Variants in VPS41 observed in about 807,000 individuals in gnomAD.
The protein encoded by VPS41 is VPS41 subunit of HOPS complex, also known as vacuolar protein sorting-associated protein 41 homolog.
In VPS41, 85 loss-of-function variants were observed where a neutral mutation model predicts 130.9. That is an observed-to-expected ratio of 0.65 (90% CI 0.55 to 0.78). The LOEUF is 0.78. Ranked by LOEUF, VPS41 falls within the 30% of genes least tolerant of loss-of-function variation. The pLI is 0.00. For synonymous variants in VPS41, 335 were observed against 332.9 expected, an observed-to-expected ratio of 1.01 and a Z score of -0.07; for missense variants, 874 against 1,018.7, an observed-to-expected ratio of 0.86 and a Z score of 1.93.
At chr7:38,820,947 G>C (rs1021761214) in intron 6 of VPS41, among the ~76,000 whole-genome samples, 1 of 147,762 alleles carries the variant, frequency 6.8e-6, no homozygotes, top group Non-Finnish European at 1.5e-5. Flanking sequence ...GTGTGCGTGC[G>C]TGTGTGTGTG....
intron 10 of VPS41, among the ~76,000 whole-genome samples, chr7:38,780,540 A>T (rs1433980397): frequency 2.0e-5 from 3 of 152,174 alleles, no homozygotes; most frequent in Admixed American, 2.0e-4. Context: ...GGAAAATTCT[A>T]TTCAGCAAGG....
At chr7:38,851,525 T>C (rs909003909) in intron 4 of VPS41, among the ~76,000 whole-genome samples, 1 of 152,258 alleles carries the variant, frequency 6.6e-6, no homozygotes, top group African/African-American at 2.4e-5. Context: ...TTGAGTTGAA[T>C]GACCATTGTT....
At chr7:38,848,401 C>A (rs903971181) in intron 4 of VPS41, among the ~76,000 whole-genome samples, 11 of 152,056 alleles carry the variant, frequency 7.2e-5, no homozygotes, top group Non-Finnish European at 1.2e-4. Context: ...TTTTCCCCTT[C>A]GTTTTTCTTT....
intron 18 of VPS41, among the ~76,000 whole-genome samples, chr7:38,757,683 A>G (rs1236764624): frequency 6.6e-6 from 1 of 152,158 alleles, no homozygotes; most frequent in Non-Finnish European, 1.5e-5. Context: ...GCAAAAGAAG[A>G]AAAAACAAGG....
intron 24 of VPS41, among the ~76,000 whole-genome samples, chr7:38,743,059 C>T (rs1366567910): frequency 8.1e-6 from 1 of 124,192 alleles, no homozygotes; most frequent in Admixed American, 9.1e-5. Flanking sequence ...ATAAACACTC[C>T]CATATACAAG....
intron 14 of VPS41, among the ~76,000 whole-genome samples, chr7:38,769,970 T>C (rs1331581517): frequency 6.6e-6 from 1 of 152,140 alleles, no homozygotes; most frequent in African/African-American, 2.4e-5. Flanking sequence ...TTGCTACCTA[T>C]GTAGTAAACC....
intron 25 of VPS41, among the ~76,000 whole-genome samples, chr7:38,740,389 T>C (rs7802623): frequency 0.037 from 5,648 of 152,100 alleles, 351 homozygotes; most frequent in African/African-American, 0.13. Context: ...ATTAGTGACT[T>C]CCCCAGGCAG....
chr7:38,878,473 C>T (rs1194516865), intron 2 of VPS41, among the ~76,000 whole-genome samples: 2 of 152,086 alleles, frequency 1.3e-5, no homozygotes, highest in Non-Finnish European at 2.9e-5. Context: ...TATCAAAACT[C>T]CCAAACAGTA....
chr7:38,761,263 C>T (rs1426621276), intron 17 of VPS41, among the ~76,000 whole-genome samples: 1 of 57,004 alleles, frequency 1.8e-5, no homozygotes, highest in Admixed American at 3.3e-4. Flanking sequence ...CTCTTCCTCT[C>T]TTTTTTTTTT....
At chr7:38,770,588 T>C (rs1784136013) in intron 14 of VPS41, among the ~76,000 whole-genome samples, 2 of 152,276 alleles carry the variant, frequency 1.3e-5, no homozygotes, top group South Asian at 2.1e-4. Context: ...GAAACCCAAA[T>C]AGGCATAAAA....
chr7:38,907,284 T>G (rs1322087323), intron 1 of VPS41, among the ~76,000 whole-genome samples: 1 of 151,996 alleles, frequency 6.6e-6, no homozygotes, highest in African/African-American at 2.4e-5. Context: ...GGCCCTGAGA[T>G]AGGAACCTGC....
At chr7:38,758,616 T>G in intron 17 of VPS41, 135 bp from the exon 18 acceptor site, 2 of 892,034 alleles carry the variant, frequency 2.2e-6, no homozygotes, top group South Asian at 1.8e-5. Context: ...TCTAAAATGA[T>G]GTGTCTTCTT....
At chr7:38,892,335 A>C (rs1786884085) in intron 2 of VPS41, among the ~76,000 whole-genome samples, 1 of 152,162 alleles carries the variant, frequency 6.6e-6, no homozygotes, top group Non-Finnish European at 1.5e-5. Flanking sequence ...GTTACCGAAA[A>C]CTTGAAGTCT....
chr7:38,853,962 G>T (rs189207138), intron 4 of VPS41, among the ~76,000 whole-genome samples: 2 of 152,298 alleles, frequency 1.3e-5, no homozygotes, highest in African/African-American at 4.8e-5. Context: ...TTGGTGCGTA[G>T]AAGCCATCAA....
At chr7:38,777,155 C>T (rs971175550) in intron 10 of VPS41, among the ~76,000 whole-genome samples, 3 of 151,904 alleles carry the variant, frequency 2.0e-5, no homozygotes, top group Non-Finnish European at 4.4e-5. Context: ...TTTAAAATTC[C>T]TGAGTTCGTT....
chr7:38,881,228 CTCCTTTTCCAGCT>C (rs1232780896), intron 2 of VPS41, among the ~76,000 whole-genome samples: 1 of 152,186 alleles, frequency 6.6e-6, no homozygotes, highest in African/African-American at 2.4e-5. Context: ...TCCCTTTCCT[CTCCTTTTCCAGCT>C]TCTGAAAGCG....
chr7:38,895,875 T>A (rs933509806), intron 2 of VPS41, among the ~76,000 whole-genome samples: 1 of 152,174 alleles, frequency 6.6e-6, no homozygotes, highest in Non-Finnish European at 1.5e-5. Context: ...CCACTAAGAA[T>A]GGGGCCCCCT....
chr7:38,801,498 G>T (rs1191134367), intron 7 of VPS41, among the ~76,000 whole-genome samples: 2 of 152,044 alleles, frequency 1.3e-5, no homozygotes, highest in African/African-American at 2.4e-5. Flanking sequence ...AATAAAGTAG[G>T]TCATCATAAA....
At chr7:38,889,570 A>C (rs1786815822) in intron 2 of VPS41, among the ~76,000 whole-genome samples, 1 of 150,240 alleles carries the variant, frequency 6.7e-6, no homozygotes, top group East Asian at 2.0e-4. Context: ...AAAAAAAAAA[A>C]AAAACCTTAA....
Sources: allele counts gnomAD v4.1 joint callset (sites outside exome capture counted in the v4.1 genomes callset), GRCh38; gene constraint gnomAD v4.1.1; transcripts MANE v1.5; gene names NCBI Gene and HGNC (gene_info 2026-07-23, HGNC 2026-07-21).